DCDC1: variants seen among roughly 807,000 people sequenced by gnomAD.
DCDC1 encodes doublecortin domain-containing protein 1.
A neutral mutation model predicts 178.3 loss-of-function variants in DCDC1; 200 were observed. The ratio of observed to expected loss-of-function variants is 1.12; its 90% CI spans 1.00 to 1.26. DCDC1 has a LOEUF of 1.26. Among genes scored for constraint, DCDC1 ranks in the 50% most tolerant of loss-of-function variants. The pLI is 0.00. For synonymous variants in DCDC1, 690 were observed against 604.8 expected (o/e 1.14, Z -2.07); for missense variants, 1,983 against 1,749.2 (o/e 1.13, Z -2.38).
At chr11:31,308,788 A>C (rs1438537713) in intron 3 of DCDC1, among the ~76,000 whole-genome samples, 1 of 152,228 alleles carries the variant, frequency 6.6e-6, no homozygotes, top group Non-Finnish European at 1.5e-5. Flanking sequence ...ATATTTGCAA[A>C]TATTGAGCTG....
At chr11:31,087,206 T>C (rs1447792456) in intron 17 of DCDC1, among the ~76,000 whole-genome samples, 1 of 152,154 alleles carries the variant, frequency 6.6e-6, no homozygotes, top group African/African-American at 2.4e-5. Context: ...CTTTAATAAC[T>C]GCGTGATATC....
intron 15 of DCDC1, among the ~76,000 whole-genome samples, chr11:31,096,089 T>C (rs1303432116): frequency 6.6e-6 from 1 of 152,214 alleles, no homozygotes; most frequent in Non-Finnish European, 1.5e-5. Context: ...TCAGGTACTA[T>C]CATAAGGATA....
chr11:30,957,959 T>C (rs1037612247), intron 20 of DCDC1, among the ~76,000 whole-genome samples: 5 of 152,188 alleles, frequency 3.3e-5, no homozygotes, highest in Non-Finnish European at 7.4e-5. Context: ...TCAAGCCTGG[T>C]TCACAAAGAG....
chr11:31,150,367 T>C (rs552195949), intron 9 of DCDC1, among the ~76,000 whole-genome samples: 1 of 152,208 alleles, frequency 6.6e-6, no homozygotes, highest in South Asian at 2.1e-4. Context: ...CATGAAATAT[T>C]TAACAATGGG....
In DCDC1 at chr11:31,153,656, G is replaced by A. The variant is rs1435467611; in HGVS notation, c.1222-15872C>T. Among the ~76,000 whole-genome samples, 5 of 152,048 alleles carry A rather than the reference G, an allele frequency of 3.3e-5. No individual in the cohort carries two copies. The East Asian group carries it at 9.7e-4, about 29-fold the overall frequency. On this transcript the variant is annotated intron_variant, in intron 9 of 38. Transcript: ENST00000684477. ...AAATCAGCCGGGCATGGTGGTGGGC[G>A]CCTGTAATCCCAGCTACTCGGAAGG...
At chr11:30,969,953 A>T (rs1949686885) in intron 20 of DCDC1, among the ~76,000 whole-genome samples, 2 of 152,232 alleles carry the variant, frequency 1.3e-5, no homozygotes, top group African/African-American at 4.8e-5. Flanking sequence ...GAACCAAAAT[A>T]GTGGGCAGAT....
chr11:31,179,364 C>A (rs550836329), intron 9 of DCDC1, among the ~76,000 whole-genome samples: 1 of 152,272 alleles, frequency 6.6e-6, no homozygotes, highest in East Asian at 1.9e-4. Flanking sequence ...ATGTCCAAGA[C>A]AATCTGTACT....
At chr11:31,259,111 G>A (rs1189623576) in intron 8 of DCDC1, among the ~76,000 whole-genome samples, 1 of 152,102 alleles carries the variant, frequency 6.6e-6, no homozygotes, top group Non-Finnish European at 1.5e-5. Context: ...AGCACTTTGG[G>A]AGGCCAAGGC....
intron 38 of DCDC1, among the ~76,000 whole-genome samples, chr11:30,874,278 G>C (rs952700847): frequency 6.6e-6 from 1 of 152,080 alleles, no homozygotes; most frequent in East Asian, 1.9e-4. Flanking sequence ...TTATACCTTA[G>C]GCATAGAGAT....
intron 36 of DCDC1, among the ~76,000 whole-genome samples, chr11:30,884,936 T>C (rs1180907066): frequency 6.6e-6 from 1 of 152,110 alleles, no homozygotes; most frequent in Non-Finnish European, 1.5e-5. Flanking sequence ...GATGTTGAAC[T>C]GTAATTCCAA....
At chr11:31,337,922 T>A (rs912034890) in intron 1 of DCDC1, among the ~76,000 whole-genome samples, 14 of 152,128 alleles carry the variant, frequency 9.2e-5, no homozygotes, top group African/African-American at 3.1e-4. Flanking sequence ...GTTAAATTAC[T>A]GAAGAAACCA....
At chr11:30,908,501 T>C (rs1466955014) in intron 29 of DCDC1, among the ~76,000 whole-genome samples, 1 of 152,130 alleles carries the variant, frequency 6.6e-6, no homozygotes, top group Non-Finnish European at 1.5e-5. Flanking sequence ...CAAAGAATTA[T>C]TGTTAATCTT....
At chr11:30,940,745 T>C (rs963612822) in intron 21 of DCDC1, among the ~76,000 whole-genome samples, 2 of 152,208 alleles carry the variant, frequency 1.3e-5, no homozygotes, top group Non-Finnish European at 2.9e-5. Context: ...ATTTCTGATG[T>C]AAGAGCATTG....
chr11:31,282,389 T>C (rs888750591), intron 7 of DCDC1, among the ~76,000 whole-genome samples: 2 of 151,404 alleles, frequency 1.3e-5, no homozygotes, highest in African/African-American at 4.8e-5. Flanking sequence ...CTATCAAAGA[T>C]AATATATATA....
At chr11:31,283,320 C>A (rs1946581289) in intron 7 of DCDC1, among the ~76,000 whole-genome samples, 1 of 151,890 alleles carries the variant, frequency 6.6e-6, no homozygotes, top group Non-Finnish European at 1.5e-5. Context: ...TCTTGAAGTT[C>A]ACGGATCTTT....
chr11:31,217,219 C>T (rs1326363404), intron 9 of DCDC1, among the ~76,000 whole-genome samples: 1 of 152,066 alleles, frequency 6.6e-6, no homozygotes, highest in East Asian at 1.9e-4. Context: ...TGGGAAGAAG[C>T]AGGTGCAATG....
chr11:31,213,488 G>A lies in DCDC1; in HGVS notation c.1221+27962C>T, dbSNP rs12284448. 5.6e-3 allele frequency among the ~76,000 whole-genome samples: 847 copies of A among 152,064 alleles called. 10 individuals carry two copies. Among genetic ancestry groups the A allele is most frequent in the African/African-American group, 0.019 (800 of 41,466 alleles). The stretch of plus-strand genomic sequence containing the variant: ...TGTAATCCCAGCACTTTGGGAGGCC[G>A]AGATGGGCGAATCACAAGGTCAGGA... On this transcript the variant is annotated intron_variant, in intron 9 of 38. Coordinates refer to ENST00000684477, the MANE Select transcript of DCDC1 (RefSeq NM_001387274.1).
At chr11:30,907,655 C>A (rs1378415762) in intron 29 of DCDC1, among the ~76,000 whole-genome samples, 4 of 152,074 alleles carry the variant, frequency 2.6e-5, no homozygotes, top group African/African-American at 9.7e-5. Context: ...TAACAGCCTG[C>A]CAACCACCAG....
chr11:31,014,073 C>T (rs1470624819), intron 20 of DCDC1, among the ~76,000 whole-genome samples: 3 of 152,036 alleles, frequency 2.0e-5, no homozygotes, highest in Non-Finnish European at 4.4e-5. Flanking sequence ...GCAATATGAC[C>T]GTATTTGGAG....
Sources: allele counts gnomAD v4.1 joint callset (sites outside exome capture counted in the v4.1 genomes callset), GRCh38; gene constraint gnomAD v4.1.1; transcripts MANE v1.5; gene names NCBI Gene and HGNC (gene_info 2026-07-23, HGNC 2026-07-21).